The following ACACA variants were observed in gnomAD, a reference collection of about 807,000 sequenced individuals.
ACACA encodes acetyl-CoA carboxylase alpha, also known as acetyl-CoA carboxylase 1.
Under a neutral mutation model 296.1 loss-of-function variants are expected in ACACA, and 103 were observed. That is an observed-to-expected ratio of 0.35 (90% CI 0.30 to 0.41). The LOEUF is 0.41. Among genes scored for constraint, ACACA ranks in the 10% least tolerant of loss-of-function variants. The pLI, the probability that ACACA is intolerant of heterozygous loss-of-function variation, is 1.00. For synonymous variants in ACACA, 953 were observed against 1,038.6 expected (o/e 0.92, Z 1.58); for missense variants, 1,554 against 2,989.7 (o/e 0.52, Z 11.20).
chr17:37,269,656 T>A (rs1022508429), intron 10 of ACACA, among the ~76,000 whole-genome samples: 2 of 152,002 alleles, frequency 1.3e-5, no homozygotes, highest in African/African-American at 4.8e-5. Flanking sequence ...GTTGAAATTT[T>A]AAGTTGGGGA....
At chr17:37,403,179 C>T (rs1406523852) in intron 1 of ACACA, among the ~76,000 whole-genome samples, 1 of 152,084 alleles carries the variant, frequency 6.6e-6, no homozygotes, top group Non-Finnish European at 1.5e-5. Context: ...TTGTCATTTC[C>T]AGTCAGAATG....
At chr17:37,335,178 T>C (rs1172276947) in intron 2 of ACACA, among the ~76,000 whole-genome samples, 1 of 152,162 alleles carries the variant, frequency 6.6e-6, no homozygotes, top group East Asian at 1.9e-4. Context: ...GCCTATTTAA[T>C]ACCACCCTGA....
At chr17:37,309,531 G>C (rs747880734) in intron 3 of ACACA, among the ~76,000 whole-genome samples, 18 of 152,122 alleles carry the variant, frequency 1.2e-4, no homozygotes, top group Non-Finnish European at 2.4e-4. Flanking sequence ...AGCCTCTTTG[G>C]GGAAATGATA....
intron 52 of ACACA, among the ~76,000 whole-genome samples, chr17:37,108,948 C>T (rs558241244): frequency 4.6e-5 from 7 of 152,332 alleles, no homozygotes; most frequent in African/African-American, 1.7e-4. Flanking sequence ...AAAAGGAGAA[C>T]ACAGAGAATG....
At chr17:37,389,379 T>C (rs756782604) in intron 1 of ACACA, 4 of 1,562,694 alleles carry the variant, frequency 2.6e-6, no homozygotes, top group South Asian at 1.2e-5. Flanking sequence ...GTTCTCTGTG[T>C]GGTTTATGTC....
intron 23 of ACACA, among the ~76,000 whole-genome samples, chr17:37,241,301 G>T (rs1047547764): frequency 6.6e-6 from 1 of 151,948 alleles, no homozygotes; most frequent in African/African-American, 2.4e-5. Flanking sequence ...AATATAATAG[G>T]CTCCATAAGC....
Position 37,224,653 on chromosome 17 carries a change from G to GTATA in ACACA, c.3474+335_3474+338dup, listed in dbSNP as rs147136525. Among the ~76,000 whole-genome samples the GTATA allele has an allele frequency of 8.1e-5, 12 of 148,334 alleles. No homozygotes were observed. In the South Asian group the frequency reaches 1.1e-3, roughly 13 times the overall value. ...TAAATCATCAGAGAAATGTGTGTGT[G>GTATA]TATATATATATATATATCAGAAATC... On this transcript the variant is annotated intron_variant, in intron 27 of 55. Coordinates refer to ENST00000616317, the MANE Select transcript of ACACA (RefSeq NM_198834.3).
chr17:37,323,734 G>A (rs1348005933), intron 3 of ACACA, among the ~76,000 whole-genome samples: 1 of 152,232 alleles, frequency 6.6e-6, no homozygotes, highest in East Asian at 1.9e-4. Context: ...CAAATGTGGA[G>A]ATAACCTGTT....
rs142125953 is a variant in ACACA at position 37,368,368 on chromosome 17, G to A, written c.39-28518C>T. Among the ~76,000 whole-genome samples the A allele has an allele frequency of 1.7e-4, 26 of 152,244 alleles. 2 individuals carry two copies. The East Asian group carries it at 5.0e-3, about 29-fold the overall frequency. On this transcript the variant is annotated intron_variant, in intron 1 of 55. Transcript: ENST00000616317. ...GGCCAAGGTGGGTGAATCACCTGAG[G>A]TCAGGAGTTCAAGACCAGCCTGGCC...
In ACACA at chr17:37,097,043, G is replaced by C; in HGVS notation, c.6844C>G (p.Gln2282Glu). 1 of 1,614,092 alleles carries C rather than the reference G, an allele frequency of 6.2e-7. No individual in the cohort carries two copies. Among genetic ancestry groups the C allele is most frequent in the Non-Finnish European group, 8.5e-7 (1 of 1,180,032 alleles). ...ACAAACCAGCGCCTTAACATGGCTT[G>C]AATCTGGCCATCAGTCAGCTCAGGG... ...ANPELTDGQIQAMLRRWFVEV... is the reference protein window; with the variant it reads ...ANPELTDGQIEAMLRRWFVEV... Residue 2282 changes from glutamine to glutamate, a missense_variant, in exon 54 of 56, where the codon CAA becomes GAA. Gln to Glu is a conservative substitution (Grantham distance 29). Around this residue, in one of 16 missense-constraint regions of ACACA, gnomAD observed 553 missense variants for 1,043.6 expected, o/e 0.53. Transcript: ENST00000616317. This position sits in a 1 kb window ranked among gnomAD's most constrained non-coding sequence, Gnocchi z 4.8.
intron 3 of ACACA, among the ~76,000 whole-genome samples, chr17:37,309,737 G>A (rs1031047326): frequency 6.6e-6 from 1 of 152,006 alleles, no homozygotes; most frequent in African/African-American, 2.4e-5. Context: ...ATCATTCAGG[G>A]TCTCATGAGC....
At chr17:37,228,702 T>C (rs764521019) in intron 25 of ACACA, among the ~76,000 whole-genome samples, 4 of 152,158 alleles carry the variant, frequency 2.6e-5, no homozygotes, top group Non-Finnish European at 5.9e-5. Flanking sequence ...AACATACTCC[T>C]TTCCGAAGTA....
chr17:37,193,388 G>A lies in ACACA; in HGVS notation c.4186C>T (p.Arg1396Ter), dbSNP rs1205721237. 2 of 1,603,198 alleles carry A rather than the reference G, an allele frequency of 1.2e-6. No individual in the cohort carries two copies. Among genetic ancestry groups the A allele is most frequent in the Non-Finnish European group, 1.7e-6 (2 of 1,170,646 alleles). Residue 1396 changes from arginine to a stop codon, truncating the protein, a stop_gained, in exon 36 of 56, where the codon CGA (arginine) becomes TGA (stop). Transcript: ENST00000616317. LOFTEE classifies it high-confidence loss of function. ...TCAATCCTTACCTTATCCCTTGCTC[G>A]GAATGTAAAAAATTTAGGGAATTCT... ...HREFPKFFTF[R>*]ARDKFEEDRI...
intron 3 of ACACA, among the ~76,000 whole-genome samples, chr17:37,314,923 A>G (rs1031429890): frequency 2.1e-5 from 3 of 145,936 alleles, no homozygotes; most frequent in Non-Finnish European, 4.5e-5. Context: ...ATTTACAGGC[A>G]TGAGCTACCG....
intron 1 of ACACA, among the ~76,000 whole-genome samples, chr17:37,362,461 A>G (rs748448513): frequency 6.6e-6 from 1 of 152,234 alleles, no homozygotes; most frequent in Non-Finnish European, 1.5e-5. Context: ...GCACATTAAA[A>G]CAGAGTGTCT....
At chr17:37,359,802 C>A (rs1361443575) in intron 1 of ACACA, among the ~76,000 whole-genome samples, 2 of 152,138 alleles carry the variant, frequency 1.3e-5, no homozygotes, top group Non-Finnish European at 2.9e-5. Context: ...TGCTGGAACT[C>A]CATAACCAGC....
At chr17:37,277,228 G>C (rs946907784) in intron 6 of ACACA, 114 bp from the exon 7 acceptor site, 17 of 885,012 alleles carry the variant, frequency 1.9e-5, no homozygotes, top group Non-Finnish European at 3.0e-5. Flanking sequence ...TTCCACAGCA[G>C]CCTAATGCTT....
intron 41 of ACACA, chr17:37,163,259 A>C (rs2076540162): frequency 7.5e-6 from 1 of 133,154 alleles, no homozygotes. Flanking sequence ...GCTCCCTCTC[A>C]CCTCTCTCTT....
At chr17:37,151,573 CAT>C in intron 43 of ACACA, 152 bp from the exon 44 acceptor site, 2 of 950,234 alleles carry the variant, frequency 2.1e-6, no homozygotes, top group Middle Eastern at 3.2e-4. Flanking sequence ...ACTCTTCATT[CAT>C]ATGTCTTTCC....
Sources: allele counts gnomAD v4.1 joint callset (sites outside exome capture counted in the v4.1 genomes callset), GRCh38; gene constraint gnomAD v4.1.1; regional missense constraint gnomAD v4.1.1; non-coding constraint Gnocchi (gnomAD v3.1); transcripts MANE v1.5; gene names NCBI Gene and HGNC (gene_info 2026-07-23, HGNC 2026-07-21).